Variants in LIG4 observed in about 807,000 individuals in gnomAD.
LIG4 encodes DNA joinase.
In LIG4, 13 loss-of-function variants were observed where a neutral mutation model predicts 19.0. That is an observed-to-expected ratio of 0.68 (90% CI 0.44 to 1.09). The LOEUF (loss-of-function observed/expected upper bound fraction) is 1.09, where lower values mean the gene tolerates loss of function less well. Among genes scored for constraint, LIG4 ranks in the 50% least tolerant of loss-of-function variants. The pLI is 0.00. For missense variants in LIG4, 1,026 were observed against 1,089.7 expected (o/e 0.94, Z 0.82); for synonymous variants, 361 against 358.2 (o/e 1.01, Z -0.09).
rs3093767 is a variant in LIG4, at chr13:108,208,404, T to C, written c.*129A>G. On this transcript the variant is annotated 3_prime_UTR_variant, in exon 3 of 3. Transcript: ENST00000442234. ...AAAAGTTAAAATTATTGTTTTCCTA[T>C]ATGTAATGATACTTTTTAGGCATAG... 6.3e-3 allele frequency: 4,206 copies of C among 663,610 alleles called. 127 individuals carry two copies. In the African/African-American group the frequency reaches 0.07, roughly 11 times the overall value. 41.1% of individuals were successfully genotyped at this position (663,610 alleles called of 1,614,324 possible).
In LIG4 at chr13:108,208,802, A is replaced by C. The variant is rs376657998; in HGVS notation, c.2467T>G (p.Tyr823Asp). Residue 823 changes from tyrosine (Y) to aspartate (D), a missense_variant, in exon 3 of 3, where the codon TAT becomes GAT. Transcript: ENST00000442234. Reference protein sequence around the residue: ...FRRHTVYLDSYAVINDLSTKN... With the variant: ...FRRHTVYLDSDAVINDLSTKN... ...GTACTCAGGTCATTAATAACAGCAT[A>C]CGAGTCCAAATAAACGGTGTGGCGT... 1.9e-6 allele frequency: 3 copies of C among 1,614,176 alleles called. No individual in the cohort carries two copies. In the South Asian group the frequency reaches 3.3e-5, roughly 18 times the overall value.
rs1281477786 is a variant in LIG4, at chr13:108,209,976, T to C, written c.1293A>G (p.Val431=). The change falls in exon 3 of 3, where the codon GTA becomes GTG. Residue 431 remains valine, a synonymous_variant. Transcript: ENST00000442234. ...AIDKREEGIM[V]KQPLSIYKPD... is the part of the protein sequence containing the mutation. ...GCTTGTAGATGGATAGAGGTTGTTT[T>C]ACCATAATTCCCTCTTCTCTTTTAT... 6.8e-6 allele frequency: 11 copies of C among 1,613,080 alleles called. No individual in the cohort carries two copies. Among genetic ancestry groups the C allele is most frequent in the Non-Finnish European group, 9.3e-6 (11 of 1,179,972 alleles).
At position 108,210,315 on chromosome 13, in the gene LIG4, T is replaced by G; in HGVS notation, c.954A>C (p.Ala318=). 2 of 1,613,974 alleles carry G rather than the reference T, an allele frequency of 1.2e-6. 1 individual carries two copies. Among genetic ancestry groups the G allele is most frequent in the South Asian group, 2.2e-5 (2 of 91,076 alleles). The change falls in exon 3 of 3, where the codon GCA becomes GCC. Residue 318 remains alanine, a synonymous_variant. Transcript: ENST00000442234. The stretch of plus-strand genomic sequence containing the variant: ...TACAGATTTGTATATCTGCTTTGAA[T>G]GCATTATGAATGAATGGGGTAAGAG... ...EGSLTPFIHN[A]FKADIQICIL... is the part of the protein sequence containing the mutation.
At position 108,208,677 on chromosome 13, in the gene LIG4, T is replaced by C. The variant is rs2138966110; in HGVS notation, c.2592A>G (p.Ile864Met). 6.2e-7 allele frequency: 1 copy of C among 1,614,116 alleles called. No homozygotes were observed. The highest frequency in any genetic ancestry group is 1.1e-5 in the South Asian group (1 of 91,086). Reference sequence around the variant, plus strand: ...CAACACGACTATGATCTTCCCCAATTATTACATGAGACACTCCCTCAGCTA... The same window carrying C: ...CAACACGACTATGATCTTCCCCAATCATTACATGAGACACTCCCTCAGCTA... ...SCLAEGVSHV[I>M]IGEDHSRVAD... The change falls in exon 3 of 3, where the codon ATA (isoleucine) becomes ATG (methionine). Residue 864 changes from isoleucine to methionine, a missense_variant. This residue lies in a region of LIG4 where 521 missense variants were observed against 515.5 expected (regional missense o/e 1.01). Coordinates refer to ENST00000442234, the MANE Select transcript of LIG4 (RefSeq NM_206937.2).
Position 108,208,612 on chromosome 13 carries a change from A to T in LIG4, c.2657T>A (p.Phe886Tyr), listed in dbSNP as rs142374894. 13 of 1,613,346 alleles carry T rather than the reference A, an allele frequency of 8.1e-6. No homozygotes were observed. Among genetic ancestry groups the T allele is most frequent in the Middle Eastern group, 1.6e-4 (1 of 6,062 alleles). The change falls in exon 3 of 3, where the codon TTT becomes TAT. Residue 886 changes from phenylalanine (F) to tyrosine (Y), a missense_variant. Phe to Tyr is a conservative substitution (Grantham distance 22). Around this residue, in one of 3 missense-constraint regions of LIG4, gnomAD observed 521 missense variants for 515.5 expected, o/e 1.01. Transcript: ENST00000442234. ...TACCCAACTTTCTTTTAGGATTTTA[A>T]ACTTTCTCTTAAAAGTTCTTCTAAA... Reference protein sequence around the residue: ...KAFRRTFKRKFKILKESWVTD... With the variant: ...KAFRRTFKRKYKILKESWVTD...
rs1878342413 is a variant in LIG4 at position 108,209,453 on chromosome 13, C to T, written c.1816G>A (p.Ala606Thr). 1 of 1,614,048 alleles carries T rather than the reference C, an allele frequency of 6.2e-7. No individual in the cohort carries two copies. Among genetic ancestry groups the T allele is most frequent in the African/African-American group, 1.3e-5 (1 of 74,900 alleles). Residue 606 changes from alanine (A) to threonine (T), a missense_variant, in exon 3 of 3, where the codon GCA (alanine) becomes ACA (threonine). Around this residue, in one of 3 missense-constraint regions of LIG4, gnomAD observed 521 missense variants for 515.5 expected, o/e 1.01. Coordinates refer to ENST00000442234, the MANE Select transcript of LIG4 (RefSeq NM_206937.2). ...LDDLEQLRGK[A>T]SGKLASKHLY... The stretch of plus-strand genomic sequence containing the variant: ...TGTTTAGATGCGAGCTTACCAGATG[C>T]CTTCCCCCTAAGTTGTTCTAGGTCG...
intron 2 of LIG4, 88 bp from the exon 3 acceptor site, chr13:108,211,384 T>C (rs939892484): frequency 1.3e-6 from 1 of 797,062 alleles, no homozygotes; most frequent in Non-Finnish European, 2.1e-6. Context: ...ATCACTGAGA[T>C]CATAATAAAT....
rs1878307794 is a variant in LIG4, at chr13:108,209,296, A to G, written c.1973T>C (p.Ile658Thr). Residue 658 changes from isoleucine to threonine, a missense_variant, in exon 3 of 3, where the codon ATA becomes ACA. Ile to Thr is a moderately conservative substitution (Grantham distance 89). Around this residue, in one of 3 missense-constraint regions of LIG4, gnomAD observed 521 missense variants for 515.5 expected, o/e 1.01. Coordinates refer to ENST00000442234, the MANE Select transcript of LIG4 (RefSeq NM_206937.2). The stretch of plus-strand genomic sequence containing the variant: ...AACACAAAACTCTACATCTTCAAAT[A>G]TATTAGAAATTTTGTTAACGTTAGT... ...NLTNVNKISN[I>T]FEDVEFCVMS... 3 of 1,614,086 alleles carry G rather than the reference A, an allele frequency of 1.9e-6. No individual in the cohort carries two copies. The highest frequency in any genetic ancestry group is 2.5e-6 in the Non-Finnish European group (3 of 1,179,990).
In LIG4 at chr13:108,210,976, T is replaced by C. The variant is rs143897303; in HGVS notation, c.293A>G (p.Asn98Ser). 8.7e-6 allele frequency: 14 copies of C among 1,612,742 alleles called. No homozygotes were observed. Among genetic ancestry groups the C allele is most frequent in the Middle Eastern group, 1.7e-4 (1 of 6,048 alleles). Residue 98 changes from asparagine (N) to serine (S), a missense_variant, in exon 3 of 3, where the codon AAT becomes AGT. Asn to Ser is a conservative substitution (Grantham distance 46, BLOSUM62 1). Transcript: ENST00000442234. ...GGCATCTTTTCCATCTCTAGGTAAA[T>C]TAAGCAACTCAATATAAAGCTTAGC... is the stretch of plus-strand genomic sequence containing the variant. ...MLAKLYIELL[N>S]LPRDGKDALK...
In LIG4 at chr13:108,214,528, C is replaced by G. The variant is rs1221834442; in HGVS notation, c.-29+10G>C. 2 of 152,138 alleles carry G rather than the reference C, an allele frequency of 1.3e-5. No individual in the cohort carries two copies. The highest frequency in any genetic ancestry group is 4.8e-5 in the African/African-American group (2 of 41,368). 9.4% of individuals were successfully genotyped at this position (152,138 alleles called of 1,614,324 possible). ...TCTCCCCCAACCCTTCACGGATTCCCAGTGAATACCTGGCCTCGGGCAAGC... is the reference window on the plus strand; with the variant it reads ...TCTCCCCCAACCCTTCACGGATTCCGAGTGAATACCTGGCCTCGGGCAAGC... On this transcript the variant is annotated intron_variant, in intron 2 of 2. Transcript: ENST00000442234.
rs1385098216 is a variant in LIG4 at position 108,208,318 on chromosome 13, T to G, written c.*215A>C. 1 of 469,588 alleles carries G rather than the reference T, an allele frequency of 2.1e-6. No individual in the cohort carries two copies. The highest frequency in any genetic ancestry group is 3.8e-6 in the Non-Finnish European group (1 of 264,578). 29.1% of individuals were successfully genotyped at this position (469,588 alleles called of 1,614,324 possible). A position where few individuals can be genotyped will look rare whatever the true frequency, so the allele number is the denominator to read the frequency against. The stretch of plus-strand genomic sequence containing the variant: ...TTTCACCTTGATCATAAAAAATCAT[T>G]GAATACTACATTCAAGATAATTTTT... On this transcript the variant is annotated 3_prime_UTR_variant, in exon 3 of 3. Coordinates refer to ENST00000442234, the MANE Select transcript of LIG4 (RefSeq NM_206937.2).
Position 108,209,573 on chromosome 13 carries a change from G to A in LIG4, c.1696C>T (p.Pro566Ser), listed in dbSNP as rs151324221. The change falls in exon 3 of 3, where the codon CCC becomes TCC. Residue 566 changes from proline to serine, a missense_variant. By Grantham distance (74) the Pro-to-Ser change is moderately conservative. This residue lies in a region of LIG4 where 521 missense variants were observed against 515.5 expected (regional missense o/e 1.01). Transcript: ENST00000442234. ...IVQIKAAEIVPSDMYKTGCTL... is the reference protein window; with the variant it reads ...IVQIKAAEIVSSDMYKTGCTL... Reference sequence around the variant, plus strand: ...CAGCCAGTTTTATACATATCACTGGGTACGATCTCTGCTGCTTTAATCTGA... The same window carrying A: ...CAGCCAGTTTTATACATATCACTGGATACGATCTCTGCTGCTTTAATCTGA... The A allele has an allele frequency of 2.4e-5, 39 of 1,614,044 alleles. No homozygotes were observed. Among genetic ancestry groups the A allele is most frequent in the Non-Finnish European group, 3.1e-5 (37 of 1,179,996 alleles).
chr13:108,211,438 T>C, intron 2 of LIG4, 142 bp from the exon 3 acceptor site: 1 of 651,504 alleles, frequency 1.5e-6, no homozygotes, highest in Non-Finnish European at 2.7e-6. Flanking sequence ...CTCTAAATGA[T>C]GTATCTTTTC....
chr13:108,214,597 A>T lies in LIG4; in HGVS notation c.-88T>A, dbSNP rs1032564753. ...CAGAGAATCCCAGCTGTAAAATGAG[A>T]TCTTGATGGTTTCCTGCGGGGTTGC... is the stretch of plus-strand genomic sequence containing the variant. On this transcript the variant is annotated 5_prime_UTR_variant, in exon 2 of 3. Coordinates refer to ENST00000442234, the MANE Select transcript of LIG4 (RefSeq NM_206937.2). 6 of 152,050 alleles carry T rather than the reference A, an allele frequency of 3.9e-5. No individual in the cohort carries two copies. The highest frequency in any genetic ancestry group is 1.2e-4 in the African/African-American group (5 of 41,366). 9.4% of individuals were successfully genotyped at this position (152,050 alleles called of 1,614,324 possible).
chr13:108,209,213 C>T lies in LIG4; in HGVS notation c.2056G>A (p.Gly686Ser), dbSNP rs1284972797. 1.2e-6 allele frequency: 2 copies of T among 1,614,144 alleles called. No individual in the cohort carries two copies. The highest frequency in any genetic ancestry group is 1.7e-5 in the Admixed American group (1 of 60,018). ...PDLENRIAEF[G>S]GYIVQNPGPD... Reference sequence around the variant, plus strand: ...CCTGGATTTTGTACTATATAACCACCAAATTCTGCAATTCTGTTCTCCAGG... The same window carrying T: ...CCTGGATTTTGTACTATATAACCACTAAATTCTGCAATTCTGTTCTCCAGG... The change falls in exon 3 of 3, where the codon GGT (glycine) becomes AGT (serine). Residue 686 changes from glycine (G) to serine (S), a missense_variant. Gly to Ser is a moderately conservative substitution (Grantham distance 56). Transcript: ENST00000442234.
At chr13:108,217,704 A>G (rs74892756), upstream of LIG4, among the ~76,000 whole-genome samples, 1 of 144,460 alleles carries the variant, frequency 6.9e-6, no homozygotes, top group African/African-American at 2.5e-5. Flanking sequence ...TCTCAAAAGG[A>G]AAAAAAAAAA....
upstream of LIG4, chr13:108,218,159 A>C (rs1383453764): frequency 1.3e-5 from 2 of 152,192 alleles, no homozygotes; most frequent in African/African-American, 4.8e-5. Flanking sequence ...TTGCTCCGCA[A>C]ACCTGCGGCT....
chr13:108,209,566 T>G lies in LIG4; in HGVS notation c.1703A>C (p.Asp568Ala), dbSNP rs202041497. 9 of 1,614,056 alleles carry G rather than the reference T, an allele frequency of 5.6e-6. No individual in the cohort carries two copies. Among genetic ancestry groups the G allele is most frequent in the African/African-American group, 5.3e-5 (4 of 74,916 alleles). Residue 568 changes from aspartate (D) to alanine (A), a missense_variant, in exon 3 of 3, where the codon GAT becomes GCT. Coordinates refer to ENST00000442234, the MANE Select transcript of LIG4 (RefSeq NM_206937.2). ...QIKAAEIVPS[D>A]MYKTGCTLRF... Reference sequence around the variant, plus strand: ...CAAGGTGCAGCCAGTTTTATACATATCACTGGGTACGATCTCTGCTGCTTT... The same window carrying G: ...CAAGGTGCAGCCAGTTTTATACATAGCACTGGGTACGATCTCTGCTGCTTT...
chr13:108,211,891 A>G (rs1878700075), intron 2 of LIG4, among the ~76,000 whole-genome samples: 1 of 152,194 alleles, frequency 6.6e-6, no homozygotes, highest in African/African-American at 2.4e-5. Flanking sequence ...CTTCCAGCCA[A>G]ACAAAGCCTA....
Sources: allele counts gnomAD v4.1 joint callset (sites outside exome capture counted in the v4.1 genomes callset), GRCh38; gene constraint gnomAD v4.1.1; regional missense constraint gnomAD v4.1.1; transcripts MANE v1.5; gene names NCBI Gene and HGNC (gene_info 2026-07-23, HGNC 2026-07-21).